The following XYLT1 variants were observed in gnomAD, a reference collection of about 807,000 sequenced individuals.
XYLT1 encodes the protein xylosyltransferase 1, also known as beta-D-xylosyltransferase 1.
A neutral mutation model predicts 91.3 loss-of-function variants in XYLT1; 36 were observed. The observed-to-expected ratio is 0.39, with a 90% CI of 0.30 to 0.52. The LOEUF (loss-of-function observed/expected upper bound fraction) is 0.52. XYLT1 is among the 20% of genes least tolerant of loss of function. The pLI is 0.68. For synonymous variants in XYLT1, 588 were observed against 532.0 expected (o/e 1.11, Z -1.45); for missense variants, 1,242 against 1,284.5 (o/e 0.97, Z 0.51).
rs1032019320 is a variant in XYLT1, at chr16:17,106,270, C to T, written c.*2425G>A. 1 of 152,242 alleles carries T rather than the reference C, an allele frequency of 6.6e-6. No homozygotes were observed. Among genetic ancestry groups the T allele is most frequent in the African/African-American group, 2.4e-5 (1 of 41,446 alleles). 9.4% of individuals were successfully genotyped at this position (152,242 alleles called of 1,614,324 possible). A position where few individuals can be genotyped will look rare whatever the true frequency, so the allele number is the denominator to read the frequency against. On this transcript the variant is annotated 3_prime_UTR_variant, in exon 12 of 12. Coordinates refer to ENST00000261381, the MANE Select transcript of XYLT1 (RefSeq NM_022166.4). ...TGCAAATAACGCTGCGAACACAAAG[C>T]ACTGGTGGCCCAGCAAGGAGGGTGA...
At chr16:17,336,603 T>A (rs1030605190) in intron 2 of XYLT1, among the ~76,000 whole-genome samples, 2 of 151,974 alleles carry the variant, frequency 1.3e-5, no homozygotes, top group Admixed American at 6.6e-5. Context: ...AGAGAAAACC[T>A]CCTCCTCCTA....
chr16:17,366,061 CT>C (rs11398471), intron 1 of XYLT1, among the ~76,000 whole-genome samples: 4,037 of 128,574 alleles, frequency 0.031, 121 homozygotes, highest in African/African-American at 0.11. Context: ...AGCTGGTTTG[CT>C]TTTTTTTTTT....
At chr16:17,166,331 G>A (rs976775709) in intron 5 of XYLT1, among the ~76,000 whole-genome samples, 4 of 152,272 alleles carry the variant, frequency 2.6e-5, no homozygotes, top group East Asian at 3.9e-4. Context: ...GTCCTGGGAT[G>A]AGCAGGCATT....
At chr16:17,182,837 C>G (rs1373319289) in intron 5 of XYLT1, among the ~76,000 whole-genome samples, 2 of 152,088 alleles carry the variant, frequency 1.3e-5, no homozygotes, top group African/African-American at 4.8e-5. Context: ...CCAATGGGAA[C>G]AGGATTACAA....
At chr16:17,182,114 G>T (rs1278295831) in intron 5 of XYLT1, among the ~76,000 whole-genome samples, 1 of 152,168 alleles carries the variant, frequency 6.6e-6, no homozygotes, top group Non-Finnish European at 1.5e-5. Context: ...CCCTCTCACA[G>T]GTGAGAAAAA....
chr16:17,139,128 T>G (rs752267214), intron 7 of XYLT1, among the ~76,000 whole-genome samples: 1 of 152,120 alleles, frequency 6.6e-6, no homozygotes, highest in African/African-American at 2.4e-5. Context: ...CCATGTTGGA[T>G]CTGAAAAGAA....
chr16:17,359,620 C>T (rs943508525), intron 1 of XYLT1, among the ~76,000 whole-genome samples: 2 of 152,214 alleles, frequency 1.3e-5, no homozygotes, highest in Non-Finnish European at 2.9e-5. Context: ...CTAATTCTCA[C>T]ATTCCCCCAG....
intron 2 of XYLT1, among the ~76,000 whole-genome samples, chr16:17,303,909 G>T (rs1336919784): frequency 2.0e-5 from 3 of 151,986 alleles, no homozygotes; most frequent in African/African-American, 7.3e-5. Flanking sequence ...TTATTAATTT[G>T]TATTTGTTAA....
intron 2 of XYLT1, among the ~76,000 whole-genome samples, chr16:17,332,558 T>TCACACACACACACA (rs775938130): frequency 7.9e-6 from 1 of 126,730 alleles, no homozygotes; most frequent in African/African-American, 3.1e-5. Flanking sequence ...CCAGAGTCCA[T>TCACACACACACACA]CACACACATA....
intron 1 of XYLT1, among the ~76,000 whole-genome samples, chr16:17,423,642 A>G (rs2036276484): frequency 6.6e-6 from 1 of 150,698 alleles, no homozygotes; most frequent in African/African-American, 2.4e-5. Flanking sequence ...ACAGAGTCTC[A>G]CTCTGTCACC....
At chr16:17,118,043 G>A (rs2029908565) in intron 10 of XYLT1, 64 bp from the exon 11 acceptor site, 6 of 1,504,628 alleles carry the variant, frequency 4.0e-6, no homozygotes, top group Non-Finnish European at 5.4e-6. Flanking sequence ...TCTCAGAAAG[G>A]TCTAGGATCC....
intron 2 of XYLT1, among the ~76,000 whole-genome samples, chr16:17,311,819 C>T (rs957136005): frequency 4.8e-4 from 45 of 92,854 alleles, no homozygotes; most frequent in Non-Finnish European, 5.4e-4. Flanking sequence ...GCAAAAGGCA[C>T]GTCTTACATG....
At chr16:17,125,528 G>C (rs1156698342) in intron 10 of XYLT1, among the ~76,000 whole-genome samples, 2 of 151,878 alleles carry the variant, frequency 1.3e-5, no homozygotes, top group Non-Finnish European at 2.9e-5. Flanking sequence ...GTGCCTAAGG[G>C]CCTTTGTATA....
At chr16:17,330,556 G>A (rs1399657899) in intron 2 of XYLT1, among the ~76,000 whole-genome samples, 2 of 152,030 alleles carry the variant, frequency 1.3e-5, no homozygotes, top group African/African-American at 4.8e-5. Flanking sequence ...GGAGGCCGAG[G>A]CAGGCAGATC....
In XYLT1 at chr16:17,437,357, A is replaced by T. The variant is rs934681864; in HGVS notation, c.363+33077T>A. Among the ~76,000 whole-genome samples, 4 of 152,194 alleles carry T rather than the reference A, an allele frequency of 2.6e-5. No homozygotes were observed. In the East Asian group the frequency reaches 7.7e-4, roughly 29 times the overall value. ...GGGCTAAACTCCCACATGTGGCCACAGAAACCCACTTTTCAAACCCGGCAT... is the reference window on the plus strand; with the variant it reads ...GGGCTAAACTCCCACATGTGGCCACTGAAACCCACTTTTCAAACCCGGCAT... On this transcript the variant is annotated intron_variant, in intron 1 of 11. Coordinates refer to ENST00000261381, the MANE Select transcript of XYLT1 (RefSeq NM_022166.4).
intron 2 of XYLT1, among the ~76,000 whole-genome samples, chr16:17,290,641 T>C (rs886066790): frequency 2.0e-5 from 3 of 152,242 alleles, no homozygotes; most frequent in South Asian, 2.1e-4. Context: ...GACATGGGCT[T>C]TCTCTGTGTT....
chr16:17,422,696 C>T (rs192076579), intron 1 of XYLT1, among the ~76,000 whole-genome samples: 75 of 152,186 alleles, frequency 4.9e-4, no homozygotes, highest in Admixed American at 1.6e-3. Context: ...TTAGTAGAGA[C>T]GGGGTTTCAC....
At chr16:17,260,637 C>T (rs971142150) in intron 2 of XYLT1, among the ~76,000 whole-genome samples, 6 of 152,162 alleles carry the variant, frequency 3.9e-5, no homozygotes, top group African/African-American at 1.4e-4. Flanking sequence ...AAGGCTCCCA[C>T]CCCAGCAGGT....
At chr16:17,137,238 A>G (rs995729647) in intron 8 of XYLT1, among the ~76,000 whole-genome samples, 6 of 152,124 alleles carry the variant, frequency 3.9e-5, no homozygotes, top group African/African-American at 1.4e-4. Flanking sequence ...ACACCCCTCC[A>G]TGCCTTCGTT....
Sources: allele counts gnomAD v4.1 joint callset (sites outside exome capture counted in the v4.1 genomes callset), GRCh38; gene constraint gnomAD v4.1.1; transcripts MANE v1.5; gene names NCBI Gene and HGNC (gene_info 2026-07-23, HGNC 2026-07-21).